Variants in ABCA13 observed in about 807,000 individuals in gnomAD.
ABCA13 encodes ATP-binding cassette sub-family A member 13.
ABCA13 carries 476 observed loss-of-function variants against 478.7 expected under a neutral mutation model. The observed-to-expected ratio is 0.99, with a 90% CI of 0.92 to 1.07. The LOEUF (loss-of-function observed/expected upper bound fraction) is 1.07. ABCA13 is among the 50% of genes least tolerant of loss of function. The pLI, the probability that ABCA13 is intolerant of heterozygous loss-of-function variation, is 0.00. For synonymous variants in ABCA13, 2,252 were observed against 2,158.9 expected, an observed-to-expected ratio of 1.04 and a Z score of -1.20; for missense variants, 6,060 against 5,910.6, an observed-to-expected ratio of 1.03 and a Z score of -0.83.
chr7:48,323,004 T>C (rs781434376), intron 27 of ABCA13, among the ~76,000 whole-genome samples: 24 of 152,284 alleles, frequency 1.6e-4, no homozygotes, highest in Admixed American at 2.6e-4. Flanking sequence ...TTCACCCAGG[T>C]CATTGTGTGT....
At chr7:48,299,169 C>T (rs1799807883) in intron 23 of ABCA13, among the ~76,000 whole-genome samples, 1 of 152,158 alleles carries the variant, frequency 6.6e-6, no homozygotes, top group Non-Finnish European at 1.5e-5. Context: ...GCTTTCAGCA[C>T]TTCTAGTTGG....
Position 48,272,340 on chromosome 7 carries a change from G to A in ABCA13, c.2674G>A (p.Val892Ile), listed in dbSNP as rs1428840950. 1 of 1,613,712 alleles carries A rather than the reference G, an allele frequency of 6.2e-7. No homozygotes were observed. The highest frequency in any genetic ancestry group is 1.7e-5 in the Admixed American group (1 of 59,996). ...ATCACCAGCTATGAACATAGATTTT[G>A]TACGTTTAAGTGAGGCTATAATAAC... ...PKSPAMNIDF[V>I]RLSEAIITSL... Residue 892 changes from valine (V) to isoleucine (I), a missense_variant, in exon 17 of 62, where the codon GTA becomes ATA. Around this residue, in one of 3 missense-constraint regions of ABCA13, gnomAD observed 4,423 missense variants for 4,309.1 expected, o/e 1.03. Transcript: ENST00000435803.
chr7:48,290,314 C>T (rs6949467), intron 20 of ABCA13, among the ~76,000 whole-genome samples: 47,798 of 152,094 alleles, frequency 0.31, 7,931 homozygotes, highest in Non-Finnish European at 0.36. Context: ...TAGATCTAGA[C>T]CTTTGGGTCC....
At chr7:48,626,871 A>G in intron 59 of ABCA13, 2 of 985,422 alleles carry the variant, frequency 2.0e-6, no homozygotes, top group Non-Finnish European at 2.4e-6. Context: ...AATTCCTACG[A>G]GGAAGGGCTG....
chr7:48,544,502 A>C (rs1784637017), intron 55 of ABCA13, among the ~76,000 whole-genome samples: 1 of 150,870 alleles, frequency 6.6e-6, no homozygotes, highest in Non-Finnish European at 1.5e-5. Flanking sequence ...GATTTATTCA[A>C]CCATGCCTCT....
chr7:48,319,394 T>C (rs1187383179), intron 27 of ABCA13, among the ~76,000 whole-genome samples: 1 of 152,218 alleles, frequency 6.6e-6, no homozygotes, highest in Non-Finnish European at 1.5e-5. Context: ...GGATGAATTA[T>C]CCTAGCAGTC....
chr7:48,374,349 C>G lies in ABCA13; in HGVS notation c.11136C>G (p.Cys3712Trp), dbSNP rs533133691. ...TTTCTCCATCAATCTGTGGGCAGTG[C>G]CTTCTTTCGACAACCGCCTTTGGAC... is the stretch of plus-strand genomic sequence containing the variant. Reference protein sequence around the residue: ...QLSFVNQTFLCLLSTTAFGQG... With the variant: ...QLSFVNQTFLWLLSTTAFGQG... The change falls in exon 34 of 62, where the codon TGC (cysteine) becomes TGG (tryptophan). Residue 3712 changes from cysteine to tryptophan, a missense_variant and splice_region_variant. Physicochemically the swap from Cys to Trp is radical, Grantham distance 215. Coordinates refer to ENST00000435803, the MANE Select transcript of ABCA13 (RefSeq NM_152701.5). 175 of 1,608,258 alleles carry G rather than the reference C, an allele frequency of 1.1e-4. 2 individuals carry two copies. In the South Asian group the frequency reaches 1.9e-3, roughly 17 times the overall value.
intron 20 of ABCA13, among the ~76,000 whole-genome samples, chr7:48,290,323 C>A (rs552208061): frequency 9.8e-5 from 15 of 152,288 alleles, no homozygotes; most frequent in African/African-American, 2.6e-4. Context: ...ACCTTTGGGT[C>A]CACCTGTATA....
chr7:48,386,186 T>C (rs1292694544), intron 35 of ABCA13, among the ~76,000 whole-genome samples: 1 of 152,120 alleles, frequency 6.6e-6, no homozygotes, highest in Non-Finnish European at 1.5e-5. Flanking sequence ...CCTAACAAGG[T>C]GAAAGATCTC....
At chr7:48,183,733 C>T (rs1229265624) in intron 1 of ABCA13, among the ~76,000 whole-genome samples, 1 of 152,158 alleles carries the variant, frequency 6.6e-6, no homozygotes, top group Non-Finnish European at 1.5e-5. Context: ...TACACAATTC[C>T]GAATGAACGA....
intron 45 of ABCA13, among the ~76,000 whole-genome samples, chr7:48,475,811 C>G (rs1828029731): frequency 6.6e-6 from 1 of 152,036 alleles, no homozygotes. Flanking sequence ...TCCAAACCTA[C>G]AAAAAGGTTC....
intron 15 of ABCA13, among the ~76,000 whole-genome samples, chr7:48,259,295 G>A (rs1009154834): frequency 2.0e-5 from 3 of 152,134 alleles, no homozygotes; most frequent in Non-Finnish European, 4.4e-5. Context: ...TGTGTTGGAT[G>A]CATATATATG....
rs1357301377 is a variant in ABCA13, at chr7:48,273,716, C to T, written c.4050C>T (p.Phe1350=). The T allele has an allele frequency of 1.2e-6, 2 of 1,608,656 alleles. No homozygotes were observed. The highest frequency in any genetic ancestry group is 1.7e-6 in the Non-Finnish European group (2 of 1,177,184). ...ATTTGTTTTCCTGTGCTGATATTTT[C>T]CAAAATGTTACTGAGTGTATTTTAG... ...DRDLFSCADI[F]QNVTECILED... Residue 1350 remains phenylalanine (F), a synonymous_variant, in exon 17 of 62, where the codon TTC becomes TTT. Transcript: ENST00000435803.
intron 54 of ABCA13, among the ~76,000 whole-genome samples, chr7:48,526,617 G>C (rs1346636066): frequency 6.6e-6 from 1 of 152,138 alleles, no homozygotes; most frequent in Admixed American, 6.5e-5. Context: ...CACCTAGGCT[G>C]TATGGTAAGC....
chr7:48,533,209 C>G (rs1833356631), intron 55 of ABCA13, among the ~76,000 whole-genome samples: 2 of 151,986 alleles, frequency 1.3e-5, no homozygotes, highest in Non-Finnish European at 2.9e-5. Context: ...TATTATCATT[C>G]AGTTCAAAGA....
In ABCA13 at chr7:48,227,386, G is replaced by C; in HGVS notation, c.593G>C (p.Gly198Ala). 6.2e-7 allele frequency: 1 copy of C among 1,613,772 alleles called. No individual in the cohort carries two copies. The highest frequency in any genetic ancestry group is 8.5e-7 in the Non-Finnish European group (1 of 1,179,788). ...ACAAGCCATGATCATGTGGAAGATG[G>C]CATGGATGTTGCAGTGAACCTTCTC... ...LHTSHDHVED[G>A]MDVAVNLLQT... is the part of the protein sequence containing the mutation. Residue 198 changes from glycine (G) to alanine (A), a missense_variant, in exon 6 of 62, where the codon GGC becomes GCC. Coordinates refer to ENST00000435803, the MANE Select transcript of ABCA13 (RefSeq NM_152701.5).
intron 3 of ABCA13, among the ~76,000 whole-genome samples, chr7:48,209,315 T>C (rs563223463): frequency 2.0e-5 from 3 of 152,204 alleles, no homozygotes; most frequent in Non-Finnish European, 2.9e-5. Context: ...TGGCCTCTGG[T>C]TTTCTTTTTT....
At chr7:48,411,033 TTCTTTCTTTCTTTCTTTTTCTTTC>T (rs1563208555) in intron 40 of ABCA13, among the ~76,000 whole-genome samples, 1 of 120,484 alleles carries the variant, frequency 8.3e-6, no homozygotes, top group Non-Finnish European at 1.8e-5. Flanking sequence ...CTTTCTTTCT[TTCTTTCTTTCTTTCTTTTTCTTTC>T]TTTCTTTCTT....
chr7:48,636,967 A>G (rs555490401), intron 59 of ABCA13, among the ~76,000 whole-genome samples: 6 of 152,192 alleles, frequency 3.9e-5, no homozygotes. Flanking sequence ...TTTTCTTATT[A>G]TTACATTATT....
Sources: gnomAD v4.1 joint callset for allele counts (sites outside exome capture counted in the v4.1 genomes callset) on GRCh38, gnomAD v4.1.1 for gene constraint, gnomAD v4.1.1 regional missense constraint, MANE v1.5 for transcripts, NCBI Gene and HGNC (gene_info 2026-07-23, HGNC 2026-07-21) for gene names.